Variants in SCHIP1 observed in about 807,000 individuals in gnomAD.
SCHIP1 encodes the protein schwannomin interacting protein 1.
Under a neutral mutation model 29.7 loss-of-function variants are expected in SCHIP1, and 8 were observed. That is an observed-to-expected ratio of 0.27 (90% CI 0.16 to 0.49). SCHIP1 has a LOEUF of 0.49. Ranked by LOEUF, SCHIP1 falls within the 20% of genes least tolerant of loss-of-function variation. The probability of loss-of-function intolerance (pLI) is 0.99; values close to 1 mark genes in which losing one functional copy is unlikely to be tolerated. For missense variants in SCHIP1, 193 were observed against 294.6 expected (o/e 0.66, Z 2.52); for synonymous variants, 76 against 94.9 (o/e 0.80, Z 1.16).
At chr3:159,829,823 C>T in the SCHIP1 span, among the ~76,000 whole-genome samples, 2 of 152,172 alleles carry the variant, frequency 1.3e-5, no homozygotes, top group African/African-American at 2.4e-5. Context: ...CACAGTCTCT[C>T]ATCAAGCCTA....
intron 1 of SCHIP1, among the ~76,000 whole-genome samples, chr3:159,858,485 G>A (rs1713658670): frequency 6.6e-6 from 1 of 152,130 alleles, no homozygotes; most frequent in Admixed American, 6.5e-5. Context: ...TTCAAGTGTT[G>A]TGGACTCTGC....
chr3:159,362,639 C>G, the SCHIP1 span, among the ~76,000 whole-genome samples: 1 of 152,180 alleles, frequency 6.6e-6, no homozygotes, highest in Non-Finnish European at 1.5e-5. Context: ...ACCTCAATTG[C>G]CTGCAGGAAA....
At chr3:159,435,864 G>A in the SCHIP1 span, among the ~76,000 whole-genome samples, 1 of 151,964 alleles carries the variant, frequency 6.6e-6, no homozygotes, top group Non-Finnish European at 1.5e-5. Context: ...AAGGTAGGTG[G>A]GTAATAATTT....
intron 1 of SCHIP1, among the ~76,000 whole-genome samples, chr3:159,857,585 A>G (rs1713536985): frequency 6.6e-6 from 1 of 152,052 alleles, no homozygotes. Context: ...ATCAGGAGTC[A>G]CTCCCAAATC....
At chr3:159,569,852 T>C in the SCHIP1 span, among the ~76,000 whole-genome samples, 1 of 152,226 alleles carries the variant, frequency 6.6e-6, no homozygotes, top group African/African-American at 2.4e-5. Flanking sequence ...TTTTTAATGA[T>C]TGCCATTCTA....
the SCHIP1 span, among the ~76,000 whole-genome samples, chr3:159,450,894 C>A: frequency 6.7e-6 from 1 of 149,166 alleles, no homozygotes; most frequent in Non-Finnish European, 1.5e-5. Flanking sequence ...CTGCAAGCTC[C>A]ACCTCCTGGG....
chr3:159,788,822 A>G, the SCHIP1 span, among the ~76,000 whole-genome samples: 1 of 152,200 alleles, frequency 6.6e-6, no homozygotes, highest in African/African-American at 2.4e-5. Context: ...AACATAACCA[A>G]TAGGGTATAA....
intron 1 of SCHIP1, among the ~76,000 whole-genome samples, chr3:159,854,188 TGAA>T (rs1309984301): frequency 1.3e-5 from 2 of 152,178 alleles, no homozygotes; most frequent in African/African-American, 4.8e-5. Flanking sequence ...GGCCTGGAAA[TGAA>T]GACCTCTTTA....
the SCHIP1 span, among the ~76,000 whole-genome samples, chr3:159,482,030 T>C: frequency 6.6e-6 from 1 of 152,160 alleles, no homozygotes; most frequent in Admixed American, 6.5e-5. Flanking sequence ...TGTATATGCA[T>C]GGGTGCATGC....
chr3:159,649,235 G>T, the SCHIP1 span, among the ~76,000 whole-genome samples: 2 of 152,130 alleles, frequency 1.3e-5, no homozygotes, highest in Non-Finnish European at 2.9e-5. Flanking sequence ...AGATGTCTCA[G>T]ACTGCAGTCA....
the SCHIP1 span, among the ~76,000 whole-genome samples, chr3:159,527,171 A>C: frequency 6.6e-6 from 1 of 152,200 alleles, no homozygotes; most frequent in Non-Finnish European, 1.5e-5. Flanking sequence ...GATCTCTGTC[A>C]GGGCCATCTT....
At chr3:159,680,149 C>T in the SCHIP1 span, among the ~76,000 whole-genome samples, 1 of 151,728 alleles carries the variant, frequency 6.6e-6, no homozygotes, top group African/African-American at 2.4e-5. Context: ...CCACCATATC[C>T]CCAGCACCTG....
chr3:159,423,724 G>C, the SCHIP1 span, among the ~76,000 whole-genome samples: 1 of 152,170 alleles, frequency 6.6e-6, no homozygotes, highest in African/African-American at 2.4e-5. Context: ...CCAGCATGCA[G>C]CTGGAGATCT....
At chr3:159,303,553 G>C in the SCHIP1 span, among the ~76,000 whole-genome samples, 4 of 150,930 alleles carry the variant, frequency 2.7e-5, no homozygotes, top group East Asian at 7.9e-4. Context: ...GGAAGGAAGG[G>C]AGGGAGAAGC....
the SCHIP1 span, among the ~76,000 whole-genome samples, chr3:159,535,504 G>T: frequency 2.0e-5 from 3 of 152,036 alleles, no homozygotes; most frequent in African/African-American, 7.2e-5. Context: ...TGCCTCTCTG[G>T]TCCCCAGCCA....
chr3:159,722,192 AT>A, the SCHIP1 span: 1 of 197,148 alleles, frequency 5.1e-6, no homozygotes, highest in Admixed American at 6.0e-5. Flanking sequence ...CTATTTTCAT[AT>A]GAAAAGGATC....
chr3:159,872,721 A>G (rs1182878414), intron 2 of SCHIP1, among the ~76,000 whole-genome samples: 1 of 152,202 alleles, frequency 6.6e-6, no homozygotes, highest in Admixed American at 6.5e-5. Flanking sequence ...TTTCTAAGAA[A>G]TATCACTTTA....
chr3:159,862,593 T>A (rs1714177107), intron 1 of SCHIP1, among the ~76,000 whole-genome samples: 1 of 152,236 alleles, frequency 6.6e-6, no homozygotes, highest in Admixed American at 6.5e-5. Context: ...AAGCAAGCTA[T>A]TGACTTAACT....
the SCHIP1 span, among the ~76,000 whole-genome samples, chr3:159,691,709 TTTTGG>T: frequency 3.9e-5 from 6 of 152,114 alleles, no homozygotes; most frequent in Non-Finnish European, 8.8e-5. Context: ...GGTCTTTACA[TTTTGG>T]TTTGTTTTTG....
Sources: allele counts gnomAD v4.1 joint callset (sites outside exome capture counted in the v4.1 genomes callset), GRCh38; gene constraint gnomAD v4.1.1; transcripts MANE v1.5; gene names NCBI Gene and HGNC (gene_info 2026-07-23, HGNC 2026-07-21).